TRPC6: variants seen among roughly 807,000 people sequenced by gnomAD.
The protein encoded by TRPC6 is transient receptor potential cation channel subfamily C member 6.
A neutral mutation model predicts 90.7 loss-of-function variants in TRPC6; 55 were observed. The ratio of observed to expected loss-of-function variants is 0.61; its 90% CI spans 0.49 to 0.76. The LOEUF is 0.76. Among genes scored for constraint, TRPC6 ranks in the 30% least tolerant of loss-of-function variants. The pLI, the probability that TRPC6 is intolerant of heterozygous loss-of-function variation, is 0.00. For missense variants in TRPC6, 989 were observed against 1,122.7 expected (o/e 0.88, Z 1.70); for synonymous variants, 393 against 393.0 (o/e 1.00, Z 0.00).
At chr11:101,577,636 C>A (rs1203299969) in intron 1 of TRPC6, among the ~76,000 whole-genome samples, 1 of 152,144 alleles carries the variant, frequency 6.6e-6, no homozygotes, top group Non-Finnish European at 1.5e-5. Context: ...GGACGGTCTG[C>A]AGAGGGAAAA....
At chr11:101,571,414 G>C (rs992855174) in intron 1 of TRPC6, among the ~76,000 whole-genome samples, 10 of 152,264 alleles carry the variant, frequency 6.6e-5, no homozygotes. Flanking sequence ...TGGACAGAAA[G>C]AATCAATATT....
intron 1 of TRPC6, among the ~76,000 whole-genome samples, chr11:101,578,885 C>G (rs569788965): frequency 1.1e-4 from 16 of 152,144 alleles, no homozygotes; most frequent in African/African-American, 3.6e-4. Flanking sequence ...TTTTAAAACT[C>G]TCTCATTCAA....
At chr11:101,516,162 T>G (rs1274494321) in intron 1 of TRPC6, among the ~76,000 whole-genome samples, 2 of 150,898 alleles carry the variant, frequency 1.3e-5, no homozygotes, top group African/African-American at 2.4e-5. Flanking sequence ...CTGTGAAAAT[T>G]TGTGGATTTC....
At chr11:101,564,012 C>A (rs1861773514) in intron 1 of TRPC6, among the ~76,000 whole-genome samples, 1 of 151,758 alleles carries the variant, frequency 6.6e-6, no homozygotes, top group South Asian at 2.1e-4. Flanking sequence ...CAAACTTGTC[C>A]TTCTTCCTAC....
chr11:101,477,591 A>C (rs922120863), intron 5 of TRPC6, among the ~76,000 whole-genome samples: 31 of 152,178 alleles, frequency 2.0e-4, no homozygotes, highest in Non-Finnish European at 1.3e-4. Flanking sequence ...ATTTAGGAAC[A>C]CTGGATTTGA....
chr11:101,574,180 C>T (rs1366804800), intron 1 of TRPC6, among the ~76,000 whole-genome samples: 3 of 150,874 alleles, frequency 2.0e-5, no homozygotes, highest in Non-Finnish European at 2.9e-5. Context: ...AGAGCACAAT[C>T]CTGTGGAAAA....
Position 101,473,714 on chromosome 11 carries a change from C to T in TRPC6, c.1804G>A (p.Ala602Thr). The change falls in exon 7 of 13, where the codon GCT becomes ACT. Residue 602 changes from alanine (A) to threonine (T), a missense_variant. Around this residue, in one of 4 missense-constraint regions of TRPC6, gnomAD observed 118 missense variants for 197.6 expected, o/e 0.60. Coordinates refer to ENST00000344327, the MANE Select transcript of TRPC6 (RefSeq NM_004621.6). ...QIISEGLYAI[A>T]VVLSFSRIAY... is the part of the protein sequence containing the mutation. ...ATCCTAGAGAAACTTAAAACTACAG[C>T]AATTGCATAAAGACCTTCAGATATT... 2 of 1,613,760 alleles carry T rather than the reference C, an allele frequency of 1.2e-6. No individual in the cohort carries two copies. The highest frequency in any genetic ancestry group is 1.7e-6 in the Non-Finnish European group (2 of 1,179,768).
intron 1 of TRPC6, among the ~76,000 whole-genome samples, chr11:101,565,375 C>A (rs1861806401): frequency 6.6e-6 from 1 of 152,028 alleles, no homozygotes; most frequent in Non-Finnish European, 1.5e-5. Context: ...CCCTAAAAAT[C>A]TTGGGTGATT....
intron 1 of TRPC6, among the ~76,000 whole-genome samples, chr11:101,567,421 G>C (rs575835867): frequency 6.6e-6 from 1 of 152,152 alleles, no homozygotes; most frequent in Non-Finnish European, 1.5e-5. Flanking sequence ...TGGGGGAAGG[G>C]GTGGTTGTAG....
chr11:101,467,101 C>G (rs12804595), intron 10 of TRPC6, among the ~76,000 whole-genome samples: 11 of 151,984 alleles, frequency 7.2e-5, no homozygotes, highest in African/African-American at 2.7e-4. Context: ...AAATCACCTG[C>G]CTTCTGCGTC....
intron 1 of TRPC6, among the ~76,000 whole-genome samples, chr11:101,541,762 A>G (rs1049840336): frequency 6.6e-6 from 1 of 152,192 alleles, no homozygotes; most frequent in African/African-American, 2.4e-5. Flanking sequence ...AAAAGAAAAA[A>G]AAGTATTACA....
At chr11:101,564,299 T>A (rs570915401) in intron 1 of TRPC6, among the ~76,000 whole-genome samples, 1 of 152,210 alleles carries the variant, frequency 6.6e-6, no homozygotes, top group South Asian at 2.1e-4. Flanking sequence ...ATGAGTATGA[T>A]TGATTTTATA....
chr11:101,562,787 T>C (rs1197118946), intron 1 of TRPC6, among the ~76,000 whole-genome samples: 1 of 152,166 alleles, frequency 6.6e-6, no homozygotes, highest in African/African-American at 2.4e-5. Context: ...CCAGACTGCT[T>C]GAGTTTGAAC....
chr11:101,476,673 A>G (rs901484988), intron 5 of TRPC6, 139 bp from the exon 6 acceptor site: 1 of 733,280 alleles, frequency 1.4e-6, no homozygotes, highest in South Asian at 1.5e-5. Context: ...GTCCCACCAT[A>G]ATTCCCATAT....
At position 101,504,766 on chromosome 11, in the gene TRPC6, C is replaced by T. The variant is rs369866012; in HGVS notation, c.203G>A (p.Arg68Gln). ...CCCCTTCTCACGGAGAACTGTCTGCCGCCGGTGAGCCAGTCTGTTGTCAGA... is the reference window on the plus strand; with the variant it reads ...CCCCTTCTCACGGAGAACTGTCTGCTGCCGGTGAGCCAGTCTGTTGTCAGA... ...RGSDNRLAHR[R>Q]QTVLREKGRR... The change falls in exon 2 of 13, where the codon CGG becomes CAG. Residue 68 changes from arginine (R) to glutamine (Q), a missense_variant. By Grantham distance (43) the Arg-to-Gln change is conservative. This residue lies in a region of TRPC6 where 194 missense variants were observed against 136.5 expected (regional missense o/e 1.42). Transcript: ENST00000344327. 3.8e-5 allele frequency: 61 copies of T among 1,607,540 alleles called. 1 individual carries two copies. Among genetic ancestry groups the T allele is most frequent in the South Asian group, 5.5e-5 (5 of 90,200 alleles).
chr11:101,552,353 A>C (rs1861468997), intron 1 of TRPC6, among the ~76,000 whole-genome samples: 1 of 152,114 alleles, frequency 6.6e-6, no homozygotes, highest in Non-Finnish European at 1.5e-5. Flanking sequence ...ATAATAACAA[A>C]GCCACATGAG....
In TRPC6 at chr11:101,498,473, A is replaced by G. The variant is rs577896213; in HGVS notation, c.945+5551T>C. Reference sequence around the variant, plus strand: ...GTGTCACCTCTGCTTGGAACCAGCTATACATGTGGTGATATGAGTAACAAA... The same window carrying G: ...GTGTCACCTCTGCTTGGAACCAGCTGTACATGTGGTGATATGAGTAACAAA... On this transcript the variant is annotated intron_variant, in intron 2 of 12. Transcript: ENST00000344327. Among the ~76,000 whole-genome samples the G allele has an allele frequency of 2.7e-4, 41 of 152,198 alleles. 1 individual carries two copies. Among genetic ancestry groups the G allele is most frequent in the Admixed American group, 2.3e-3 (35 of 15,284 alleles).
At chr11:101,550,435 T>A (rs1223540073) in intron 1 of TRPC6, among the ~76,000 whole-genome samples, 1 of 151,708 alleles carries the variant, frequency 6.6e-6, no homozygotes, top group Non-Finnish European at 1.5e-5. Flanking sequence ...GAGTGCAGAT[T>A]TATTGATACT....
At chr11:101,576,705 T>G (rs1331741269) in intron 1 of TRPC6, among the ~76,000 whole-genome samples, 3 of 152,212 alleles carry the variant, frequency 2.0e-5, no homozygotes. Context: ...AAGAATGGAC[T>G]CAAGAAAATG....
Sources: gnomAD v4.1 joint callset for allele counts (sites outside exome capture counted in the v4.1 genomes callset) on GRCh38, gnomAD v4.1.1 for gene constraint, gnomAD v4.1.1 regional missense constraint, MANE v1.5 for transcripts, NCBI Gene and HGNC (gene_info 2026-07-23, HGNC 2026-07-21) for gene names.